LHFPL3: variants seen among roughly 807,000 people sequenced by gnomAD.
The protein encoded by LHFPL3 is LHFPL tetraspan subfamily member 3.
LHFPL3 carries 5 observed loss-of-function variants against 19.3 expected under a neutral mutation model. The ratio of observed to expected loss-of-function variants is 0.26; its 90% CI spans 0.14 to 0.54. The LOEUF is 0.54. LHFPL3 is among the 20% of genes least tolerant of loss of function. The probability of loss-of-function intolerance (pLI) is 0.94; values close to 1 mark genes in which losing one functional copy is unlikely to be tolerated. For missense variants in LHFPL3, 249 were observed against 307.4 expected (o/e 0.81, Z 1.42); for synonymous variants, 133 against 126.2 (o/e 1.05, Z -0.36).
intron 1 of LHFPL3, among the ~76,000 whole-genome samples, chr7:104,623,978 G>T (rs1386010393): frequency 2.6e-5 from 4 of 152,184 alleles, no homozygotes; most frequent in Admixed American, 2.0e-4. Context: ...TTTCACAAAG[G>T]TAAGTAACTG....
At chr7:104,458,139 T>G (rs1792583679) in intron 1 of LHFPL3, among the ~76,000 whole-genome samples, 3 of 151,692 alleles carry the variant, frequency 2.0e-5, no homozygotes, top group African/African-American at 7.3e-5. Flanking sequence ...ATTTGTCAAT[T>G]TTGTCTTTTG....
chr7:104,705,575 C>G (rs1231469507), intron 1 of LHFPL3, among the ~76,000 whole-genome samples: 2 of 152,154 alleles, frequency 1.3e-5, no homozygotes, highest in Non-Finnish European at 2.9e-5. Context: ...TTCAGCGTTA[C>G]CTTCTCTTGG....
chr7:104,458,451 C>T (rs996209024), intron 1 of LHFPL3, among the ~76,000 whole-genome samples: 5 of 152,094 alleles, frequency 3.3e-5, no homozygotes, highest in African/African-American at 1.2e-4. Flanking sequence ...TTTCTGAGGG[C>T]TCTGTGCTGT....
intron 2 of LHFPL3, among the ~76,000 whole-genome samples, chr7:104,824,575 TATATATA>T (rs1790774031): frequency 1.3e-5 from 1 of 74,542 alleles, no homozygotes; most frequent in Non-Finnish European, 2.3e-5. Flanking sequence ...TATATTATTT[TATATATA>T]ATATATATAA....
chr7:104,541,365 C>T (rs1287894861), intron 1 of LHFPL3, among the ~76,000 whole-genome samples: 3 of 152,104 alleles, frequency 2.0e-5, no homozygotes, highest in Admixed American at 6.6e-5. Context: ...ACATCCTCAG[C>T]GCTAGGCACA....
intron 1 of LHFPL3, among the ~76,000 whole-genome samples, chr7:104,592,788 C>A (rs1790753968): frequency 6.6e-6 from 1 of 152,158 alleles, no homozygotes; most frequent in African/African-American, 2.4e-5. Context: ...TTTACCTACT[C>A]AAGCCTCAGC....
chr7:104,588,419 A>T (rs1315059697), intron 1 of LHFPL3, among the ~76,000 whole-genome samples: 1 of 152,160 alleles, frequency 6.6e-6, no homozygotes, highest in African/African-American at 2.4e-5. Flanking sequence ...CAAAGATCAG[A>T]TGGTTGTAGA....
intron 1 of LHFPL3, among the ~76,000 whole-genome samples, chr7:104,438,447 C>T (rs1189025129): frequency 6.6e-6 from 1 of 152,206 alleles, no homozygotes; most frequent in Non-Finnish European, 1.5e-5. Context: ...TCTGGCATAT[C>T]ATTCCTTTAG....
chr7:104,784,525 C>G (rs936378586), intron 2 of LHFPL3, among the ~76,000 whole-genome samples: 1 of 152,122 alleles, frequency 6.6e-6, no homozygotes, highest in African/African-American at 2.4e-5. Context: ...ACCAAGTAGA[C>G]TATGAAAAAC....
At chr7:104,756,851 G>T (rs1422593819) in intron 2 of LHFPL3, among the ~76,000 whole-genome samples, 2 of 152,140 alleles carry the variant, frequency 1.3e-5, no homozygotes. Flanking sequence ...AGCATTATTT[G>T]CTTTGAATAT....
intron 1 of LHFPL3, among the ~76,000 whole-genome samples, chr7:104,396,775 G>T (rs987985296): frequency 3.3e-5 from 5 of 151,832 alleles, no homozygotes; most frequent in African/African-American, 4.8e-5. Flanking sequence ...TGGGCAACAC[G>T]GCAAAATCCT....
At chr7:104,647,203 G>A (rs982839160) in intron 1 of LHFPL3, among the ~76,000 whole-genome samples, 4 of 152,194 alleles carry the variant, frequency 2.6e-5, no homozygotes, top group African/African-American at 9.7e-5. Context: ...TTTTCAAGAA[G>A]AGGAAATTTC....
intron 1 of LHFPL3, among the ~76,000 whole-genome samples, chr7:104,542,688 C>T (rs1024940106): frequency 1.3e-5 from 2 of 152,138 alleles, no homozygotes; most frequent in African/African-American, 2.4e-5. Context: ...CCACCCAGTG[C>T]ATGGGGGGAG....
chr7:104,359,126 A>G (rs1321449709), intron 1 of LHFPL3, among the ~76,000 whole-genome samples: 1 of 152,154 alleles, frequency 6.6e-6, no homozygotes, highest in Non-Finnish European at 1.5e-5. Context: ...ATACCCTTCT[A>G]TTTACGCCTA....
chr7:104,829,436 T>C (rs971889671), intron 2 of LHFPL3, among the ~76,000 whole-genome samples: 51 of 151,812 alleles, frequency 3.4e-4, no homozygotes, highest in Middle Eastern at 6.8e-3. Context: ...CCCATTAACT[T>C]GTCATTTAGC....
intron 2 of LHFPL3, among the ~76,000 whole-genome samples, chr7:104,806,291 A>G (rs1218759311): frequency 1.3e-5 from 2 of 152,250 alleles, no homozygotes; most frequent in African/African-American, 4.8e-5. Context: ...TAGATTATTT[A>G]GAGATGTATT....
intron 1 of LHFPL3, among the ~76,000 whole-genome samples, chr7:104,416,187 G>A (rs1306977909): frequency 4.6e-5 from 7 of 152,196 alleles, no homozygotes; most frequent in Admixed American, 4.6e-4. Flanking sequence ...GACAACAGGT[G>A]CAGGGAGTGG....
intron 1 of LHFPL3, among the ~76,000 whole-genome samples, chr7:104,680,545 A>T (rs571573771): frequency 2.0e-5 from 3 of 152,226 alleles, no homozygotes; most frequent in Non-Finnish European, 2.9e-5. Flanking sequence ...CCTCGTTCTC[A>T]TCATACCCAT....
At chr7:104,333,920 G>A (rs1391916421) in intron 1 of LHFPL3, among the ~76,000 whole-genome samples, 1 of 152,252 alleles carries the variant, frequency 6.6e-6, no homozygotes, top group African/African-American at 2.4e-5. Flanking sequence ...AAGCCTGGCT[G>A]TGACACTTAC....
Sources: gnomAD v4.1 joint callset for allele counts (sites outside exome capture counted in the v4.1 genomes callset) on GRCh38, gnomAD v4.1.1 for gene constraint, MANE v1.5 for transcripts, NCBI Gene and HGNC (gene_info 2026-07-23, HGNC 2026-07-21) for gene names.